Variants in TMEM132C observed in about 807,000 individuals in gnomAD.
TMEM132C encodes the protein protein phosphatase 1, regulatory subunit 152.
In TMEM132C, 29 loss-of-function variants were observed where a neutral mutation model predicts 61.4. The observed-to-expected ratio is 0.47, with a 90% CI of 0.35 to 0.64. The LOEUF is 0.64. Ranked by LOEUF, TMEM132C falls within the 30% of genes least tolerant of loss-of-function variation. The pLI is 0.00. For missense variants in TMEM132C, 1,408 were observed against 1,476.9 expected, an observed-to-expected ratio of 0.95 and a Z score of 0.76; for synonymous variants, 656 against 633.1, an observed-to-expected ratio of 1.04 and a Z score of -0.54.
At chr12:128,572,783 G>A (rs549504372) in intron 3 of TMEM132C, among the ~76,000 whole-genome samples, 10 of 152,276 alleles carry the variant, frequency 6.6e-5, no homozygotes, top group African/African-American at 1.7e-4. Context: ...GCTGGCCTCC[G>A]ATTGGCCAGG....
chr12:128,337,827 C>A (rs1282938372), intron 1 of TMEM132C, among the ~76,000 whole-genome samples: 3 of 152,196 alleles, frequency 2.0e-5, no homozygotes, highest in Non-Finnish European at 4.4e-5. Context: ...GATTTCCTGT[C>A]CGCTTAATTC....
intron 8 of TMEM132C, among the ~76,000 whole-genome samples, chr12:128,701,056 A>G (rs756909040): frequency 3.3e-5 from 5 of 152,152 alleles, no homozygotes; most frequent in Non-Finnish European, 7.4e-5. Flanking sequence ...GGGCGACTGT[A>G]TGCCGGTCTA....
chr12:128,625,541 G>A (rs1023216254), intron 4 of TMEM132C, among the ~76,000 whole-genome samples: 1 of 152,336 alleles, frequency 6.6e-6, no homozygotes, highest in East Asian at 1.9e-4. Flanking sequence ...GGAGGAGCAA[G>A]TCACATCTTA....
At chr12:128,583,005 G>T (rs972348606) in intron 3 of TMEM132C, among the ~76,000 whole-genome samples, 1 of 152,108 alleles carries the variant, frequency 6.6e-6, no homozygotes, top group African/African-American at 2.4e-5. Flanking sequence ...TACACTTTAT[G>T]GAACAGCAGT....
At chr12:128,524,435 A>G (rs1317241824) in intron 2 of TMEM132C, among the ~76,000 whole-genome samples, 1 of 152,168 alleles carries the variant, frequency 6.6e-6, no homozygotes, top group East Asian at 1.9e-4. Flanking sequence ...TGCTGGCTTT[A>G]GCCCTACATA....
At chr12:128,436,480 G>A (rs1469313342) in intron 2 of TMEM132C, among the ~76,000 whole-genome samples, 3 of 152,144 alleles carry the variant, frequency 2.0e-5, no homozygotes, top group African/African-American at 4.8e-5. Context: ...CAAAAAGTGG[G>A]CAAAGGATAT....
chr12:128,589,129 C>G (rs910554941), intron 3 of TMEM132C, among the ~76,000 whole-genome samples: 6 of 152,090 alleles, frequency 3.9e-5, no homozygotes, highest in African/African-American at 1.4e-4. Context: ...TGTCGGTTCC[C>G]TACATATGGA....
chr12:128,327,222 C>A (rs577585632), intron 1 of TMEM132C, among the ~76,000 whole-genome samples: 1 of 150,150 alleles, frequency 6.7e-6, no homozygotes, highest in African/African-American at 2.5e-5. Context: ...GAAAATTAAA[C>A]AAGGAGTTGT....
intron 4 of TMEM132C, among the ~76,000 whole-genome samples, chr12:128,649,124 G>A (rs1189508788): frequency 2.6e-5 from 4 of 152,228 alleles, no homozygotes; most frequent in South Asian, 2.1e-4. Context: ...CCTGGCTCTC[G>A]TGGTGATTTA....
At chr12:128,381,296 A>G (rs1022063841) in intron 1 of TMEM132C, among the ~76,000 whole-genome samples, 2 of 152,166 alleles carry the variant, frequency 1.3e-5, no homozygotes, top group Non-Finnish European at 1.5e-5. Context: ...CAAATACAGA[A>G]TCCCACAAAT....
intron 2 of TMEM132C, among the ~76,000 whole-genome samples, chr12:128,534,824 G>C (rs1415032428): frequency 1.3e-5 from 2 of 152,186 alleles, no homozygotes; most frequent in Admixed American, 6.5e-5. Flanking sequence ...CATTTCTGTG[G>C]TTCCTTCTCC....
intron 2 of TMEM132C, among the ~76,000 whole-genome samples, chr12:128,469,943 A>G (rs141347481): frequency 5.5e-4 from 84 of 152,240 alleles, no homozygotes; most frequent in African/African-American, 1.7e-3. Context: ...ATGTGTGTAC[A>G]TTTATATCTG....
chr12:128,378,516 C>A (rs1024197761), intron 1 of TMEM132C, among the ~76,000 whole-genome samples: 3 of 152,190 alleles, frequency 2.0e-5, no homozygotes, highest in African/African-American at 7.2e-5. Flanking sequence ...CATTCGATGC[C>A]ACTCACAGAT....
At chr12:128,301,916 GA>G (rs1305195716) in intron 1 of TMEM132C, among the ~76,000 whole-genome samples, 2 of 152,174 alleles carry the variant, frequency 1.3e-5, no homozygotes, top group East Asian at 3.8e-4. Context: ...GCAGATGAGA[GA>G]AATGAGAGCC....
At chr12:128,365,981 C>T (rs1186421716) in intron 1 of TMEM132C, among the ~76,000 whole-genome samples, 2 of 152,208 alleles carry the variant, frequency 1.3e-5, no homozygotes, top group Non-Finnish European at 2.9e-5. Context: ...GAAAGCCACC[C>T]ACTGCTGTAA....
At chr12:128,587,779 T>C (rs1875603564) in intron 3 of TMEM132C, among the ~76,000 whole-genome samples, 1 of 152,162 alleles carries the variant, frequency 6.6e-6, no homozygotes, top group East Asian at 1.9e-4. Flanking sequence ...GATGCATTGA[T>C]ATACAGTTCT....
At chr12:128,616,047 C>T in intron 3 of TMEM132C, 105 bp from the exon 4 acceptor site, 4 of 1,363,586 alleles carry the variant, frequency 2.9e-6, no homozygotes, top group Non-Finnish European at 3.9e-6. Context: ...CTGGAGCCAT[C>T]CCTGAGATGT....
At chr12:128,436,429 C>T (rs1398263098) in intron 2 of TMEM132C, among the ~76,000 whole-genome samples, 1 of 152,168 alleles carries the variant, frequency 6.6e-6, no homozygotes, top group African/African-American at 2.4e-5. Flanking sequence ...CCAGAATCTA[C>T]AAAGAACTTA....
At chr12:128,486,297 C>T (rs1290888278) in intron 2 of TMEM132C, among the ~76,000 whole-genome samples, 1 of 152,162 alleles carries the variant, frequency 6.6e-6, no homozygotes, top group African/African-American at 2.4e-5. Context: ...CAGCATTCTC[C>T]AGACATTCCT....
Sources: gnomAD v4.1 joint callset for allele counts (sites outside exome capture counted in the v4.1 genomes callset) on GRCh38, gnomAD v4.1.1 for gene constraint, MANE v1.5 for transcripts, NCBI Gene and HGNC (gene_info 2026-07-23, HGNC 2026-07-21) for gene names.